NUFIP1: variants seen among roughly 807,000 people sequenced by gnomAD.
The protein encoded by NUFIP1 is FMR1-interacting protein NUFIP1.
A neutral mutation model predicts 56.2 loss-of-function variants in NUFIP1; 38 were observed. The observed-to-expected ratio is 0.68, with a 90% CI of 0.52 to 0.89. The LOEUF (loss-of-function observed/expected upper bound fraction) is 0.89, where lower values mean the gene tolerates loss of function less well. Ranked by LOEUF, NUFIP1 falls within the 40% of genes least tolerant of loss-of-function variation. NUFIP1 has a pLI of 0.00. For synonymous variants in NUFIP1, 215 were observed against 212.4 expected (o/e 1.01, Z -0.10); for missense variants, 567 against 605.8 (o/e 0.94, Z 0.67).
intron 6 of NUFIP1, 143 bp from the exon 7 acceptor site, chr13:44,959,717 G>C: frequency 4.6e-6 from 3 of 656,832 alleles, no homozygotes; most frequent in Non-Finnish European, 7.6e-6. Flanking sequence ...GAAAATAAAA[G>C]AAATTCCAGT....
chr13:44,966,312 CTTAT>C (rs912410694), intron 5 of NUFIP1, among the ~76,000 whole-genome samples: 57 of 151,988 alleles, frequency 3.8e-4, no homozygotes, highest in African/African-American at 1.2e-3. Context: ...TTATTTCCTT[CTTAT>C]TTATTTATTT....
At chr13:44,968,587 A>C (rs1871696964) in intron 5 of NUFIP1, among the ~76,000 whole-genome samples, 1 of 152,226 alleles carries the variant, frequency 6.6e-6, no homozygotes, top group Non-Finnish European at 1.5e-5. Flanking sequence ...CAAACTGAAG[A>C]GAATATGCAG....
At chr13:44,985,566 G>A (rs768527911) in intron 1 of NUFIP1, among the ~76,000 whole-genome samples, 1 of 152,084 alleles carries the variant, frequency 6.6e-6, no homozygotes, top group Non-Finnish European at 1.5e-5. Flanking sequence ...GGTGATTCTC[G>A]AAATATTTCA....
intron 5 of NUFIP1, among the ~76,000 whole-genome samples, chr13:44,970,964 C>T (rs1212161219): frequency 6.6e-6 from 1 of 152,190 alleles, no homozygotes; most frequent in Non-Finnish European, 1.5e-5. Context: ...GTGTGAGCCA[C>T]CACGCCCGGC....
At chr13:44,942,509 C>T (rs996971065) in intron 9 of NUFIP1, among the ~76,000 whole-genome samples, 1 of 152,150 alleles carries the variant, frequency 6.6e-6, no homozygotes, top group African/African-American at 2.4e-5. Flanking sequence ...ACATGTAGCA[C>T]CTCAAGAGTG....
chr13:44,988,989 G>T (rs765260916), intron 1 of NUFIP1, 36 bp downstream of exon 1: 5 of 1,607,598 alleles, frequency 3.1e-6, no homozygotes, highest in African/African-American at 1.3e-5. Flanking sequence ...GGGGGAAAAA[G>T]GTAAAGGGGT....
intron 7 of NUFIP1, among the ~76,000 whole-genome samples, chr13:44,956,569 C>CCCAT (rs1305158932): frequency 2.0e-5 from 3 of 152,132 alleles, no homozygotes; most frequent in Non-Finnish European, 2.9e-5. Context: ...ACTAGACAGT[C>CCCAT]CCATCTTGGG....
chr13:44,959,408 G>A lies in NUFIP1; in HGVS notation c.994C>T (p.Leu332Phe). Residue 332 changes from leucine to phenylalanine, a missense_variant, in exon 7 of 10, where the codon CTT becomes TTT. Coordinates refer to ENST00000379161, the MANE Select transcript of NUFIP1 (RefSeq NM_012345.3). Reference sequence around the variant, plus strand: ...GAATCACTGTTTATCAAAACACCAAGAGGATCTGCATTTGCCTCCGGTGGA... The same window carrying A: ...GAATCACTGTTTATCAAAACACCAAAAGGATCTGCATTTGCCTCCGGTGGA... ...EGPPEANADPLGVLINSDSES... is the reference protein window; with the variant it reads ...EGPPEANADPFGVLINSDSES... 5 of 1,613,782 alleles carry A rather than the reference G, an allele frequency of 3.1e-6. No individual in the cohort carries two copies. Among genetic ancestry groups the A allele is most frequent in the Non-Finnish European group, 4.2e-6 (5 of 1,179,964 alleles).
At chr13:44,948,793 C>G (rs1249230720) in intron 8 of NUFIP1, among the ~76,000 whole-genome samples, 1 of 152,154 alleles carries the variant, frequency 6.6e-6, no homozygotes, top group Non-Finnish European at 1.5e-5. Flanking sequence ...CACAATGAAG[C>G]CTCACACGTT....
intron 6 of NUFIP1, 113 bp downstream of exon 6, chr13:44,965,731 T>C: frequency 2.3e-6 from 1 of 434,474 alleles, no homozygotes; most frequent in Admixed American, 4.3e-5. Flanking sequence ...TAAATAAATT[T>C]ATCTTTTTAA....
chr13:44,958,980 G>A (rs1310863262), intron 7 of NUFIP1, among the ~76,000 whole-genome samples: 1 of 152,192 alleles, frequency 6.6e-6, no homozygotes, highest in Non-Finnish European at 1.5e-5. Context: ...CAGAGATCAT[G>A]CTCATGCTCA....
At chr13:44,974,705 C>T (rs954348890) in intron 5 of NUFIP1, among the ~76,000 whole-genome samples, 1 of 152,208 alleles carries the variant, frequency 6.6e-6, no homozygotes, top group Non-Finnish European at 1.5e-5. Flanking sequence ...GTGCCCACCG[C>T]TGCACCTGGC....
intron 1 of NUFIP1, among the ~76,000 whole-genome samples, 179 bp downstream of exon 1, chr13:44,988,846 T>C (rs534792468): frequency 1.3e-5 from 2 of 152,238 alleles, no homozygotes; most frequent in African/African-American, 4.8e-5. Context: ...CATGCCACCA[T>C]GCCTGGCTAA....
At position 44,952,872 on chromosome 13, in the gene NUFIP1, C is replaced by T. The variant is rs573889124; in HGVS notation, c.1022-3034G>A. Among the ~76,000 whole-genome samples, 6 of 152,318 alleles carry T rather than the reference C, an allele frequency of 3.9e-5. No individual in the cohort carries two copies. In the South Asian group the frequency reaches 1.0e-3, roughly 26 times the overall value. On this transcript the variant is annotated intron_variant, in intron 7 of 9. Coordinates refer to ENST00000379161, the MANE Select transcript of NUFIP1 (RefSeq NM_012345.3). ...ATCTTCTTTAAATCTGTGACAGTTT[C>T]TCAGTCTTTCCTTGTTTTTCCTGAA...
chr13:44,961,052 GAAAAAAAAAA>G (rs975537873), intron 6 of NUFIP1, among the ~76,000 whole-genome samples: 1 of 53,572 alleles, frequency 1.9e-5, no homozygotes, highest in Non-Finnish European at 4.0e-5. Flanking sequence ...TCTGTCTCCA[GAAAAAAAAAA>G]AAAAAAAAAA....
chr13:44,965,492 G>A (rs1224867683), intron 6 of NUFIP1, among the ~76,000 whole-genome samples: 1 of 152,228 alleles, frequency 6.6e-6, no homozygotes, highest in East Asian at 1.9e-4. Context: ...TCAAGAGATC[G>A]AGACTATCCT....
At chr13:44,961,414 A>G (rs1413521816) in intron 6 of NUFIP1, among the ~76,000 whole-genome samples, 1 of 152,242 alleles carries the variant, frequency 6.6e-6, no homozygotes, top group Non-Finnish European at 1.5e-5. Flanking sequence ...AATTCAGATA[A>G]TATAAATACA....
rs1566053860 is a variant in NUFIP1, at chr13:44,940,312, T to C, written c.*894A>G. 6.6e-6 allele frequency: 1 copy of C among 152,178 alleles called. No homozygotes were observed. The highest frequency in any genetic ancestry group is 1.5e-5 in the Non-Finnish European group (1 of 68,026). The allele number at this position is 152,178 out of a possible 1,614,324, so 9.4% of individuals were successfully genotyped here. On this transcript the variant is annotated 3_prime_UTR_variant, in exon 10 of 10. Coordinates refer to ENST00000379161, the MANE Select transcript of NUFIP1 (RefSeq NM_012345.3). The stretch of plus-strand genomic sequence containing the variant: ...GGTGTTCCAAGATTCTGGAGAGGAT[T>C]TTACCAACATGGAGGAGCTATCAGC...
intron 6 of NUFIP1, among the ~76,000 whole-genome samples, 163 bp downstream of exon 6, chr13:44,965,681 G>A (rs1260465880): frequency 3.9e-5 from 6 of 152,012 alleles, no homozygotes; most frequent in Admixed American, 6.6e-5. Context: ...GCAACAGAGC[G>A]AGACTCCATC....
Sources: allele counts gnomAD v4.1 joint callset (sites outside exome capture counted in the v4.1 genomes callset), GRCh38; gene constraint gnomAD v4.1.1; transcripts MANE v1.5; gene names NCBI Gene and HGNC (gene_info 2026-07-23, HGNC 2026-07-21).